The following SLC4A4 variants were observed in gnomAD, a reference collection of about 807,000 sequenced individuals.
SLC4A4 encodes the protein electrogenic sodium bicarbonate cotransporter 1.
In SLC4A4, 27 loss-of-function variants were observed where a neutral mutation model predicts 111.5. The ratio of observed to expected loss-of-function variants is 0.24; its 90% CI spans 0.18 to 0.33. The LOEUF is 0.33. SLC4A4 is among the 10% of genes least tolerant of loss of function. SLC4A4 has a pLI of 1.00. For missense variants in SLC4A4, 909 were observed against 1,315.5 expected, an observed-to-expected ratio of 0.69 and a Z score of 4.78; for synonymous variants, 443 against 463.4, an observed-to-expected ratio of 0.96 and a Z score of 0.57.
chr4:71,433,864 GT>G (rs1215028018), intron 7 of SLC4A4, among the ~76,000 whole-genome samples: 1 of 152,084 alleles, frequency 6.6e-6, no homozygotes, highest in African/African-American at 2.4e-5. Context: ...GGATGTATAA[GT>G]TGTGGTATAT....
intron 3 of SLC4A4, among the ~76,000 whole-genome samples, chr4:71,265,666 T>C (rs1722190315): frequency 6.6e-6 from 1 of 152,188 alleles, no homozygotes; most frequent in Non-Finnish European, 1.5e-5. Flanking sequence ...AAGTGGCCTC[T>C]ACCTGCCTTA....
intron 15 of SLC4A4, 104 bp downstream of exon 15, chr4:71,487,122 G>A: frequency 4.2e-6 from 3 of 711,140 alleles, no homozygotes; most frequent in Admixed American, 4.1e-5. Context: ...AGCAATTCTG[G>A]CATGAACACA....
intron 1 of SLC4A4, among the ~76,000 whole-genome samples, chr4:71,084,690 T>G (rs1742104685): frequency 6.6e-6 from 1 of 152,040 alleles, no homozygotes; most frequent in African/African-American, 2.4e-5. Flanking sequence ...TTGCTGAGAA[T>G]GATGGTTTCC....
In SLC4A4 at chr4:71,065,246, C is replaced by T. The variant is rs192716510; in HGVS notation, c.-65+2458C>T. Among the ~76,000 whole-genome samples, 490 of 152,162 alleles carry T rather than the reference C, an allele frequency of 3.2e-3. 1 individual carries two copies. The highest frequency in any genetic ancestry group is 5.6e-3 in the Non-Finnish European group (378 of 68,010). The stretch of plus-strand genomic sequence containing the variant: ...TTCAACCATTCAAATAACATTTAAC[C>T]GTATGGTGTTTTACATCATCCATTT... On this transcript the variant is annotated intron_variant, in intron 1 of 26. Coordinates refer to the SLC4A4 transcript ENST00000649996.
chr4:71,447,697 G>T lies in SLC4A4; in HGVS notation c.1017G>T (p.Glu339Asp), dbSNP rs1725362988. 1 of 1,613,026 alleles carries T rather than the reference G, an allele frequency of 6.2e-7. No individual in the cohort carries two copies. The highest frequency in any genetic ancestry group is 8.5e-7 in the Non-Finnish European group (1 of 1,179,214). Residue 339 changes from glutamate to aspartate, a missense_variant, in exon 9 of 26, where the codon GAG becomes GAT. Coordinates refer to ENST00000264485, the MANE Select transcript of SLC4A4 (RefSeq NM_001098484.3). ...GPKGKAKSYHEIGRAIATLMS... is the reference protein window; with the variant it reads ...GPKGKAKSYHDIGRAIATLMS... ...AGGGGAAAGCCAAGTCCTACCACGA[G>T]ATTGGCAGAGCCATTGCCACCCTGA...
intron 10 of SLC4A4, 144 bp downstream of exon 10, chr4:71,450,687 CT>C: frequency 1.4e-6 from 1 of 737,222 alleles, no homozygotes; most frequent in South Asian, 1.7e-5. Flanking sequence ...AAATGGATCA[CT>C]TATGTGCCTT....
At chr4:71,170,748 G>A (rs1045663055) in intron 2 of SLC4A4, among the ~76,000 whole-genome samples, 5 of 152,160 alleles carry the variant, frequency 3.3e-5, no homozygotes, top group Non-Finnish European at 7.3e-5. Flanking sequence ...CCTCAATACT[G>A]GTGATGGTGT....
intron 1 of SLC4A4, among the ~76,000 whole-genome samples, chr4:71,235,825 G>C (rs1337727698): frequency 6.6e-6 from 1 of 152,178 alleles, no homozygotes; most frequent in Admixed American, 6.5e-5. Context: ...GAAGAACTTT[G>C]TGCCCTTCAG....
intron 12 of SLC4A4, among the ~76,000 whole-genome samples, chr4:71,459,486 T>A (rs967360057): frequency 6.6e-6 from 1 of 152,062 alleles, no homozygotes; most frequent in Non-Finnish European, 1.5e-5. Flanking sequence ...ATAACTTTAG[T>A]ATTTCATGGA....
chr4:71,146,197 T>C (rs1156889787), intron 2 of SLC4A4, among the ~76,000 whole-genome samples: 5 of 152,116 alleles, frequency 3.3e-5, no homozygotes, highest in Admixed American at 1.3e-4. Flanking sequence ...GCCTTCATTT[T>C]ATTATGTACC....
chr4:71,106,653 C>G (rs1742929080), intron 2 of SLC4A4, among the ~76,000 whole-genome samples: 1 of 146,200 alleles, frequency 6.8e-6, no homozygotes, highest in Non-Finnish European at 1.5e-5. Context: ...AATCATCATT[C>G]TCAGTAAACT....
At chr4:71,158,506 C>A (rs923048339) in intron 2 of SLC4A4, among the ~76,000 whole-genome samples, 2 of 152,142 alleles carry the variant, frequency 1.3e-5, no homozygotes, top group Non-Finnish European at 1.5e-5. Context: ...AAATACCCCC[C>A]AAATTCAAGT....
intron 3 of SLC4A4, among the ~76,000 whole-genome samples, chr4:71,292,239 G>T (rs1402577292): frequency 6.6e-6 from 1 of 152,112 alleles, no homozygotes; most frequent in African/African-American, 2.4e-5. Flanking sequence ...TGTGATTTTT[G>T]ATTTATAATC....
At chr4:71,423,820 C>T (rs1722804514) in intron 7 of SLC4A4, among the ~76,000 whole-genome samples, 2 of 152,206 alleles carry the variant, frequency 1.3e-5, no homozygotes, top group South Asian at 4.1e-4. Context: ...CCCTTCCTTA[C>T]ACCTTATGCA....
At chr4:71,356,294 G>A (rs1422524601) in intron 5 of SLC4A4, among the ~76,000 whole-genome samples, 2 of 152,078 alleles carry the variant, frequency 1.3e-5, no homozygotes, top group Admixed American at 6.5e-5. Context: ...AAGAGTAATA[G>A]AAACTTTACT....
intron 2 of SLC4A4, among the ~76,000 whole-genome samples, chr4:71,095,653 G>A (rs1742524191): frequency 6.6e-6 from 1 of 152,138 alleles, no homozygotes; most frequent in African/African-American, 2.4e-5. Context: ...ATAAGGTCTA[G>A]GTACTATGTT....
chr4:71,566,600 A>G (rs2149260431), intron 24 of SLC4A4, among the ~76,000 whole-genome samples: 1 of 151,930 alleles, frequency 6.6e-6, no homozygotes, highest in South Asian at 2.1e-4. Context: ...AACAAAACTG[A>G]TAGAAGTAGT....
At chr4:71,156,516 C>T (rs570071643) in intron 2 of SLC4A4, among the ~76,000 whole-genome samples, 43 of 150,940 alleles carry the variant, frequency 2.8e-4, no homozygotes, top group African/African-American at 9.7e-4. Flanking sequence ...GGTATAAAGA[C>T]GGTAAAATTA....
exon 1 of SLC4A4, among the ~76,000 whole-genome samples, chr4:71,062,736 A>G (rs1741421192): frequency 6.6e-6 from 1 of 152,220 alleles, no homozygotes; most frequent in African/African-American, 2.4e-5. Context: ...TTGATTTTTC[A>G]GACGACATTG....
Sources: gnomAD v4.1 joint callset for allele counts (sites outside exome capture counted in the v4.1 genomes callset) on GRCh38, gnomAD v4.1.1 for gene constraint, MANE v1.5 for transcripts, NCBI Gene and HGNC (gene_info 2026-07-23, HGNC 2026-07-21) for gene names.